The following HPSE2 variants were observed in gnomAD, a reference collection of about 807,000 sequenced individuals.
HPSE2 encodes the protein inactive heparanase-2.
HPSE2 carries 38 observed loss-of-function variants against 60.5 expected under a neutral mutation model. That is an observed-to-expected ratio of 0.63 (90% CI 0.48 to 0.82). HPSE2 has a LOEUF of 0.82. HPSE2 is among the 40% of genes least tolerant of loss of function. The pLI, the probability that HPSE2 is intolerant of heterozygous loss-of-function variation, is 0.00. For synonymous variants in HPSE2, 295 were observed against 293.2 expected (o/e 1.01, Z -0.06); for missense variants, 713 against 740.4 (o/e 0.96, Z 0.43).
rs1376797524 is a variant in HPSE2, at chr10:98,546,507, A to G, written c.1321-56311T>C. On this transcript the variant is annotated intron_variant, in intron 9 of 11. Transcript: ENST00000370552. Reference sequence around the variant, plus strand: ...CCCTCAGAAATAACGCCGCATACCTACAACTATCTGATCTTTGACAAACCT... The same window carrying G: ...CCCTCAGAAATAACGCCGCATACCTGCAACTATCTGATCTTTGACAAACCT... Among the ~76,000 whole-genome samples the G allele has an allele frequency of 2.0e-5, 3 of 151,770 alleles. No homozygotes were observed. The East Asian group carries it at 5.8e-4, about 29-fold the overall frequency.
intron 9 of HPSE2, among the ~76,000 whole-genome samples, chr10:98,578,018 T>A (rs190968583): frequency 1.3e-5 from 2 of 152,344 alleles, no homozygotes; most frequent in East Asian, 1.9e-4. Flanking sequence ...TTTGTTTCTA[T>A]CTGTCCTTGA....
intron 2 of HPSE2, among the ~76,000 whole-genome samples, chr10:99,182,201 T>C (rs1023085070): frequency 1.3e-5 from 2 of 152,246 alleles, no homozygotes; most frequent in Non-Finnish European, 2.9e-5. Context: ...TTACTTCTTC[T>C]CTTTTAGCGA....
intron 3 of HPSE2, among the ~76,000 whole-genome samples, chr10:98,922,691 T>C (rs11189867): frequency 0.095 from 14,501 of 152,220 alleles, 833 homozygotes; most frequent in South Asian, 0.21. Flanking sequence ...CATGGTATAA[T>C]ATACTTCAAG....
the HPSE2 span, among the ~76,000 whole-genome samples, chr10:99,301,206 A>C: frequency 6.6e-6 from 1 of 152,182 alleles, no homozygotes; most frequent in African/African-American, 2.4e-5. Flanking sequence ...TTCTTCCCCA[A>C]GGTTTTAGGG....
chr10:99,017,486 CT>C (rs1564740405), intron 3 of HPSE2, among the ~76,000 whole-genome samples: 1 of 152,138 alleles, frequency 6.6e-6, no homozygotes, highest in Admixed American at 6.5e-5. Context: ...CTTAAGTTGT[CT>C]TTTTTTGTTG....
At chr10:99,162,452 T>C (rs997097511) in intron 2 of HPSE2, among the ~76,000 whole-genome samples, 2 of 152,190 alleles carry the variant, frequency 1.3e-5, no homozygotes, top group Admixed American at 6.5e-5. Context: ...AAAGAATGCT[T>C]TGGCTTCCCT....
intron 6 of HPSE2, among the ~76,000 whole-genome samples, chr10:98,682,545 T>G (rs187128020): frequency 1.6e-4 from 24 of 152,150 alleles, no homozygotes; most frequent in African/African-American, 5.8e-4. Flanking sequence ...CTTACCCTCA[T>G]GATCAGGTGG....
chr10:98,995,341 G>C (rs893032352), intron 3 of HPSE2, among the ~76,000 whole-genome samples: 1 of 152,084 alleles, frequency 6.6e-6, no homozygotes, highest in African/African-American at 2.4e-5. Context: ...GTTTGATGAT[G>C]CCTATAAACA....
Position 98,561,833 on chromosome 10 carries a change from G to GCTA in HPSE2, c.1320+53068_1320+53070dup, listed in dbSNP as rs1368630932. 3.4e-5 allele frequency among the ~76,000 whole-genome samples: 5 copies of GCTA among 146,438 alleles called. No homozygotes were observed. In the Admixed American group the frequency reaches 3.5e-4, roughly 10 times the overall value. On this transcript the variant is annotated intron_variant, in intron 9 of 11. Transcript: ENST00000370552. ...ACTGCACTGTAGCCTGGGCGATAGA[G>GCTA]CTAAACTCAGTCTCAAAAACAAACA...
intron 3 of HPSE2, among the ~76,000 whole-genome samples, chr10:99,055,740 A>G (rs1459994904): frequency 6.6e-6 from 1 of 152,188 alleles, no homozygotes; most frequent in Admixed American, 6.5e-5. Context: ...GTCAGGGAAG[A>G]AATCAGAAGA....
chr10:98,975,785 C>T (rs1956069927), intron 3 of HPSE2, among the ~76,000 whole-genome samples: 1 of 152,078 alleles, frequency 6.6e-6, no homozygotes, highest in African/African-American at 2.4e-5. Context: ...CTAGGTTAGG[C>T]TTTGGGCACT....
chr10:98,964,258 T>G (rs1233434634), intron 3 of HPSE2, among the ~76,000 whole-genome samples: 2 of 152,172 alleles, frequency 1.3e-5, no homozygotes, highest in African/African-American at 4.8e-5. Context: ...ACATAATTCC[T>G]ATTTCAAGGT....
At chr10:99,306,206 G>T in the HPSE2 span, among the ~76,000 whole-genome samples, 3 of 152,028 alleles carry the variant, frequency 2.0e-5, no homozygotes, top group African/African-American at 7.3e-5. Flanking sequence ...TATGTTGGAG[G>T]ATTTTCTAAA....
At chr10:98,987,119 G>A (rs1181549189) in intron 3 of HPSE2, among the ~76,000 whole-genome samples, 2 of 152,032 alleles carry the variant, frequency 1.3e-5, no homozygotes, top group Admixed American at 6.6e-5. Context: ...TAGAAAAAGA[G>A]GGAATCCTCC....
intron 3 of HPSE2, among the ~76,000 whole-genome samples, chr10:98,997,458 C>T (rs190619853): frequency 6.6e-6 from 1 of 152,216 alleles, no homozygotes; most frequent in East Asian, 1.9e-4. Flanking sequence ...ATGACTACAT[C>T]TTAGAGGCCT....
At chr10:99,250,663 C>G in the HPSE2 span, among the ~76,000 whole-genome samples, 3 of 152,092 alleles carry the variant, frequency 2.0e-5, no homozygotes, top group African/African-American at 7.2e-5. Context: ...TACTCCTGGA[C>G]CACAGTGGAA....
rs147960619 is a variant in HPSE2 at position 98,505,541 on chromosome 10, C to T, written c.1321-15345G>A. Among the ~76,000 whole-genome samples the T allele has an allele frequency of 5.8e-3, 890 of 152,286 alleles. 9 individuals carry two copies. The highest frequency in any genetic ancestry group is 0.02 in the Middle Eastern group (6 of 294). The stretch of plus-strand genomic sequence containing the variant: ...GATCTCCTCTTGATTTACATCCTTG[C>T]CCACACTCATCACTTTCAGACTTCT... On this transcript the variant is annotated intron_variant, in intron 9 of 11. Transcript: ENST00000370552.
intron 3 of HPSE2, among the ~76,000 whole-genome samples, chr10:98,892,267 G>A (rs879695230): frequency 2.6e-5 from 4 of 152,120 alleles, no homozygotes; most frequent in Non-Finnish European, 4.4e-5. Flanking sequence ...AGGATTAGGT[G>A]GACCATATCT....
chr10:98,572,901 T>C (rs1304676245), intron 9 of HPSE2, among the ~76,000 whole-genome samples: 1 of 152,204 alleles, frequency 6.6e-6, no homozygotes, highest in Admixed American at 6.5e-5. Context: ...TACTAGGAAC[T>C]GACTGTGTGC....
Sources: gnomAD v4.1 joint callset for allele counts (sites outside exome capture counted in the v4.1 genomes callset) on GRCh38, gnomAD v4.1.1 for gene constraint, MANE v1.5 for transcripts, NCBI Gene and HGNC (gene_info 2026-07-23, HGNC 2026-07-21) for gene names.